The following MED29 variants were observed in gnomAD, a reference collection of about 807,000 sequenced individuals.
MED29 encodes the protein mediator of RNA polymerase II transcription subunit 29.
MED29 carries 14 observed loss-of-function variants against 22.0 expected under a neutral mutation model. The ratio of observed to expected loss-of-function variants is 0.64; its 90% confidence interval spans 0.42 to 0.99. The LOEUF is 0.99. MED29 is among the 50% of genes least tolerant of loss of function. The probability of loss-of-function intolerance (pLI) is 0.00; values close to 1 mark genes in which losing one functional copy is unlikely to be tolerated. For synonymous variants in MED29, 123 were observed against 107.8 expected (o/e 1.14, Z -0.87); for missense variants, 241 against 253.7 (o/e 0.95, Z 0.34).
chr19:39,397,380 C>T (rs2078434085), intron 3 of MED29, 77 bp from the exon 4 acceptor site: 1 of 1,498,496 alleles, frequency 6.7e-7, no homozygotes, highest in Non-Finnish European at 9.1e-7. Flanking sequence ...AAGCCGACAA[C>T]CCCCAGCTGG....
chr19:39,391,389 T>C lies in MED29; in HGVS notation c.-34T>C. The C allele has an allele frequency of 1.2e-6, 2 of 1,606,156 alleles. No homozygotes were observed. Among genetic ancestry groups the C allele is most frequent in the East Asian group, 2.2e-5 (1 of 44,650 alleles). On this transcript the variant is annotated 5_prime_UTR_variant, in exon 1 of 4. Transcript: ENST00000315588. ...TGAAAAGCAACGGGGAGAGACGCAG[T>C]CGTAACGCACTTCCGGCGGTCTACG...
chr19:39,397,887 CCTG>C lies in MED29; in HGVS notation c.*191_*193del. On this transcript the variant is annotated 3_prime_UTR_variant, in exon 4 of 4. Transcript: ENST00000315588. ...GGCCCCTGCGTCCCTGCCCCTTCTT[CCTG>C]CTCCCCCTCCTAGCCTAGGGTAGAC... 1 of 899,070 alleles carries C rather than the reference CCTG, an allele frequency of 1.1e-6. No homozygotes were observed. The highest frequency in any genetic ancestry group is 1.6e-6 in the Non-Finnish European group (1 of 608,020). The allele number at this position is 899,070 out of a possible 1,614,324, so 55.7% of individuals were successfully genotyped here.
At position 39,392,625 on chromosome 19, in the gene MED29, T is replaced by C. The variant is rs781500001; in HGVS notation, c.275+103T>C. ...CGCCCACCTCACCTTCTATATTTAC[T>C]TTTTTTTTTTTTTTTTTTTGAGACA... is the stretch of plus-strand genomic sequence containing the variant. On this transcript the variant is annotated intron_variant, in intron 2 of 3. Transcript: ENST00000315588. 420 of 130,016 alleles carry C rather than the reference T, an allele frequency of 3.2e-3. 2 individuals are homozygous for C. Among genetic ancestry groups the C allele is most frequent in the South Asian group, 0.012 (82 of 7,042 alleles). 8.1% of individuals were successfully genotyped at this position (130,016 alleles called of 1,614,324 possible). A position where few individuals can be genotyped will look rare whatever the true frequency, so the allele number is the denominator to read the frequency against.
rs2078380031 is a variant in MED29 at position 39,391,602 on chromosome 19, T to C, written c.180T>C (p.Tyr60=). Residue 60 remains tyrosine (Y), a synonymous_variant, in exon 1 of 4, where the codon TAT becomes TAC. Transcript: ENST00000315588. ...AGGACTTCGATCCTGTGCAGCGTTA[T>C]AAGATGCTCATCCCGCAGCTGAAGG... ...QQQDFDPVQR[Y]KMLIPQLKES... is the part of the protein sequence containing the mutation. 2 of 1,608,994 alleles carry C rather than the reference T, an allele frequency of 1.2e-6. No individual in the cohort carries two copies. The highest frequency in any genetic ancestry group is 2.7e-5 in the African/African-American group (2 of 74,848).
intron 2 of MED29, chr19:39,392,889 C>T (rs2078402327): frequency 4.8e-6 from 1 of 207,932 alleles, no homozygotes; most frequent in South Asian, 1.2e-4. Context: ...CTCAGCCTCA[C>T]GAATCACTTC....
rs189531828 is a variant in MED29 at position 39,397,896 on chromosome 19, C to A, written c.*197C>A. The stretch of plus-strand genomic sequence containing the variant: ...GTCCCTGCCCCTTCTTCCTGCTCCC[C>A]CTCCTAGCCTAGGGTAGACTTTGAA... On this transcript the variant is annotated 3_prime_UTR_variant, in exon 4 of 4. Transcript: ENST00000315588. 5 of 840,066 alleles carry A rather than the reference C, an allele frequency of 6.0e-6. No homozygotes were observed. Among genetic ancestry groups the A allele is most frequent in the African/African-American group, 1.7e-5 (1 of 58,534 alleles). The allele number at this position is 840,066 out of a possible 1,614,324, so 52.0% of individuals were successfully genotyped here. A position where few individuals can be genotyped will look rare whatever the true frequency, so the allele number is the denominator to read the frequency against.
At position 39,400,627 on chromosome 19, in the gene MED29, A is replaced by G. The variant is rs1236706677; in HGVS notation, c.*2928A>G. On this transcript the variant is annotated 3_prime_UTR_variant, in exon 4 of 4. Coordinates refer to ENST00000315588, the MANE Select transcript of MED29 (RefSeq NM_017592.4). The stretch of plus-strand genomic sequence containing the variant: ...ATATGTTCCATGTATTTATTATTAA[A>G]TAGATGACAAGGGTTTTCTTATTCT... 1 of 152,132 alleles carries G rather than the reference A, an allele frequency of 6.6e-6. No homozygotes were observed. Among genetic ancestry groups the G allele is most frequent in the Admixed American group, 6.6e-5 (1 of 15,266 alleles). The allele number at this position is 152,132 out of a possible 1,614,324, so 9.4% of individuals were successfully genotyped here.
rs1246682546 is a variant in MED29, at chr19:39,397,959, C to G, written c.*260C>G. 4 of 584,132 alleles carry G rather than the reference C, an allele frequency of 6.8e-6. No individual in the cohort carries two copies. The highest frequency in any genetic ancestry group is 2.5e-5 in the South Asian group (1 of 40,768). 36.2% of individuals were successfully genotyped at this position (584,132 alleles called of 1,614,324 possible). On this transcript the variant is annotated 3_prime_UTR_variant, in exon 4 of 4. Transcript: ENST00000315588. Reference sequence around the variant, plus strand: ...ATGACTTCTCTGTTCCACAGGCCCTCCCCCATTCTTGCCTGGGTGTGGAGC... The same window carrying G: ...ATGACTTCTCTGTTCCACAGGCCCTGCCCCATTCTTGCCTGGGTGTGGAGC...
intron 3 of MED29, among the ~76,000 whole-genome samples, chr19:39,395,538 T>C (rs1418210375): frequency 2.0e-5 from 3 of 152,098 alleles, no homozygotes; most frequent in African/African-American, 2.4e-5. Context: ...AGAGGCTTCG[T>C]GTGCAGGGCT....
chr19:39,392,623 A>AATTT, intron 2 of MED29, 101 bp downstream of exon 2: 15 of 619,000 alleles, frequency 2.4e-5, no homozygotes, highest in South Asian at 8.0e-5. Context: ...TTCTATATTT[A>AATTT]CTTTTTTTTT....
rs75308932 is a variant in MED29, at chr19:39,398,063, C to T, written c.*364C>T. 1 of 489,294 alleles carries T rather than the reference C, an allele frequency of 2.0e-6. No homozygotes were observed. The highest frequency in any genetic ancestry group is 3.6e-6 in the Non-Finnish European group (1 of 274,144). The allele number at this position is 489,294 out of a possible 1,614,324, so 30.3% of individuals were successfully genotyped here. A position where few individuals can be genotyped will look rare whatever the true frequency, so the allele number is the denominator to read the frequency against. ...GTCTCTGTGTGCCACTCCTCTGTGT[C>T]TCTATTACAGTTGTGTCTCTCTCAT... On this transcript the variant is annotated 3_prime_UTR_variant, in exon 4 of 4. Coordinates refer to ENST00000315588, the MANE Select transcript of MED29 (RefSeq NM_017592.4).
chr19:39,392,683 G>C, intron 2 of MED29, 161 bp downstream of exon 2: 1 of 610,242 alleles, frequency 1.6e-6, no homozygotes, highest in Non-Finnish European at 2.8e-6. Flanking sequence ...CTGGACTACA[G>C]TGGCACGATC....
chr19:39,393,746 C>T, intron 3 of MED29, 109 bp downstream of exon 3: 1 of 890,628 alleles, frequency 1.1e-6, no homozygotes, highest in Non-Finnish European at 1.9e-6. Flanking sequence ...TCCTGTGGGC[C>T]AGACCTGTGC....
At chr19:39,397,252 C>T (rs2078433519) in intron 3 of MED29, among the ~76,000 whole-genome samples, 1 of 152,164 alleles carries the variant, frequency 6.6e-6, no homozygotes, top group Non-Finnish European at 1.5e-5. Flanking sequence ...TTATTAAACC[C>T]GTTTTCCAAA....
In MED29 at chr19:39,392,030, T is replaced by A. The variant is rs529889754; in HGVS notation, c.216+392T>A. Among the ~76,000 whole-genome samples the A allele has an allele frequency of 2.2e-3, 333 of 151,802 alleles. 1 individual carries two copies. Among genetic ancestry groups the A allele is most frequent in the African/African-American group, 4.5e-3 (186 of 41,248 alleles). The stretch of plus-strand genomic sequence containing the variant: ...ACAGAGCGAGACTCCGTCAAAAAAA[T>A]AAATAAATAAATAAATAAAACTGTT... On this transcript the variant is annotated intron_variant, in intron 1 of 3. Transcript: ENST00000315588.
chr19:39,392,624 C>CCTT (rs745896633), intron 2 of MED29, 102 bp downstream of exon 2: 500 of 520,182 alleles, frequency 9.6e-4, no homozygotes, highest in Non-Finnish European at 1.2e-3. Context: ...TCTATATTTA[C>CCTT]TTTTTTTTTT....
chr19:39,397,332 C>T, intron 3 of MED29, 125 bp from the exon 4 acceptor site: 1 of 1,046,984 alleles, frequency 9.6e-7, no homozygotes, highest in Non-Finnish European at 1.4e-6. Flanking sequence ...ACTGGCAGGG[C>T]CAACCTCTGA....
intron 3 of MED29, among the ~76,000 whole-genome samples, chr19:39,396,869 A>T (rs1351574047): frequency 6.7e-6 from 1 of 149,680 alleles, no homozygotes; most frequent in Non-Finnish European, 1.5e-5. Context: ...TACTAAAAAT[A>T]AAAAAAAAAT....
intron 3 of MED29, among the ~76,000 whole-genome samples, chr19:39,395,172 G>A (rs11665711): frequency 0.62 from 93,900 of 152,074 alleles, 32,151 homozygotes; most frequent in African/African-American, 0.9. Flanking sequence ...AGGAAAAGTG[G>A]GAGGTTGAGA....
Sources: gnomAD v4.1 joint callset for allele counts (sites outside exome capture counted in the v4.1 genomes callset) on GRCh38, gnomAD v4.1.1 for gene constraint, MANE v1.5 for transcripts, NCBI Gene and HGNC (gene_info 2026-07-23, HGNC 2026-07-21) for gene names.